Variants in SHE observed in about 807,000 individuals in gnomAD.
SHE encodes the protein Src homology 2 domain containing E.
A neutral mutation model predicts 49.8 loss-of-function variants in SHE; 11 were observed. The observed-to-expected ratio is 0.22, with a 90% CI of 0.14 to 0.37. SHE has a LOEUF of 0.37. Among genes scored for constraint, SHE ranks in the 10% least tolerant of loss-of-function variants. SHE has a pLI of 1.00. For synonymous variants in SHE, 310 were observed against 278.1 expected (o/e 1.11, Z -1.14); for missense variants, 624 against 655.5 (o/e 0.95, Z 0.52).
chr1:154,492,968 C>A (rs1692411747), intron 2 of SHE, among the ~76,000 whole-genome samples: 1 of 152,154 alleles, frequency 6.6e-6, no homozygotes, highest in Admixed American at 6.5e-5. Flanking sequence ...GGTGGATGGG[C>A]AGTGTTCCTA....
At chr1:154,493,831 A>G (rs1271401714) in intron 2 of SHE, among the ~76,000 whole-genome samples, 2 of 152,224 alleles carry the variant, frequency 1.3e-5, no homozygotes, top group Non-Finnish European at 2.9e-5. Flanking sequence ...TGTACTGACT[A>G]GGTATACACC....
chr1:154,488,718 C>T (rs1207610330), intron 3 of SHE, among the ~76,000 whole-genome samples: 1 of 152,144 alleles, frequency 6.6e-6, no homozygotes, highest in East Asian at 1.9e-4. Context: ...TGCCCACTAG[C>T]TGGGATTACA....
Position 154,482,857 on chromosome 1 carries a change from G to A in SHE, c.*1292C>T. The A allele has an allele frequency of 1.0e-6, 1 of 985,406 alleles. No homozygotes were observed. The highest frequency in any genetic ancestry group is 1.2e-6 in the Non-Finnish European group (1 of 829,924). 61.0% of individuals were successfully genotyped at this position (985,406 alleles called of 1,614,324 possible). On this transcript the variant is annotated 3_prime_UTR_variant, in exon 6 of 6. Transcript: ENST00000304760. The stretch of plus-strand genomic sequence containing the variant: ...CTTGGTACAGAACGAGAGAATCTTT[G>A]TAGGCTTTAGAGACCCAGTTCATAT...
At chr1:154,475,273 G>A (rs1691854136), downstream of SHE, among the ~76,000 whole-genome samples, 1 of 151,990 alleles carries the variant, frequency 6.6e-6, no homozygotes, top group African/African-American at 2.4e-5. Context: ...CGCAACCTCC[G>A]CCTCCCAGGT....
chr1:154,495,562 A>G (rs893865029), intron 2 of SHE, among the ~76,000 whole-genome samples: 4 of 152,072 alleles, frequency 2.6e-5, no homozygotes. Flanking sequence ...TCTGCCCCTG[A>G]GGTAGATGCT....
chr1:154,501,801 G>A lies in SHE; in HGVS notation c.226C>T (p.Pro76Ser), dbSNP rs1692772210. ...RKNSEAGGAG[P>S]GPGKGRKNSA... is the part of the protein sequence containing the mutation. ...TTCTTGCGGCCCTTGCCAGGACCCG[G>A]CCCAGCGCCGCCCGCCTCCGAGTTC... The change falls in exon 1 of 6, where the codon CCG (proline) becomes TCG (serine). Residue 76 changes from proline to serine, a missense_variant. By Grantham distance (74) the Pro-to-Ser change is moderately conservative. This residue lies in a region of SHE where 337 missense variants were observed against 306.0 expected (regional missense o/e 1.10). Transcript: ENST00000304760. 6.4e-7 allele frequency: 1 copy of A among 1,552,224 alleles called. No individual in the cohort carries two copies. Among genetic ancestry groups the A allele is most frequent in the Non-Finnish European group, 8.6e-7 (1 of 1,156,576 alleles).
chr1:154,480,270 G>C lies in SHE; in HGVS notation c.*3879C>G. 5.1e-6 allele frequency: 5 copies of C among 985,408 alleles called. No individual in the cohort carries two copies. Among genetic ancestry groups the C allele is most frequent in the Non-Finnish European group, 6.0e-6 (5 of 829,946 alleles). The allele number at this position is 985,408 out of a possible 1,614,324, so 61.0% of individuals were successfully genotyped here. ...AATCCTGCTGAGTGTCAAGGGGTGC[G>C]GGGAAGGGAAATGAAATCGACATCA... On this transcript the variant is annotated 3_prime_UTR_variant, in exon 6 of 6. Coordinates refer to ENST00000304760, the MANE Select transcript of SHE (RefSeq NM_001010846.3).
intron 1 of SHE, 44 bp downstream of exon 1, chr1:154,501,392 T>G (rs761686544): frequency 1.9e-6 from 3 of 1,584,662 alleles, no homozygotes; most frequent in Non-Finnish European, 2.6e-6. Flanking sequence ...CGCCCAGGGC[T>G]CCCCTTCGAC....
At chr1:154,494,601 C>T (rs1225833773) in intron 2 of SHE, among the ~76,000 whole-genome samples, 2 of 150,078 alleles carry the variant, frequency 1.3e-5, no homozygotes, top group Non-Finnish European at 3.0e-5. Context: ...AACAAACCAA[C>T]AAAATCATTT....
In SHE at chr1:154,499,088, A is replaced by G. The variant is rs995960917; in HGVS notation, c.718+24T>C. Reference sequence around the variant, plus strand: ...CACTGAGTGTGAGATTTCAGTCTCTATTCTGTAGAGCCTGCTTACAAACCT... The same window carrying G: ...CACTGAGTGTGAGATTTCAGTCTCTGTTCTGTAGAGCCTGCTTACAAACCT... On this transcript the variant is annotated intron_variant, in intron 2 of 5. Transcript: ENST00000304760. 5.0e-6 allele frequency: 8 copies of G among 1,612,924 alleles called. No homozygotes were observed. The African/African-American group carries it at 6.7e-5, about 13-fold the overall frequency.
intron 2 of SHE, among the ~76,000 whole-genome samples, chr1:154,496,020 G>C (rs1025690761): frequency 6.6e-6 from 1 of 152,096 alleles, no homozygotes; most frequent in Non-Finnish European, 1.5e-5. Flanking sequence ...GGTACACAAG[G>C]AGCAAACTGA....
downstream of SHE, among the ~76,000 whole-genome samples, chr1:154,474,522 T>C (rs1691829379): frequency 6.6e-6 from 1 of 152,160 alleles, no homozygotes; most frequent in African/African-American, 2.4e-5. Context: ...TATTTATTAT[T>C]TTTTAGACAG....
At position 154,482,826 on chromosome 1, in the gene SHE, A is replaced by G. The variant is rs1375451133; in HGVS notation, c.*1323T>C. 2.0e-6 allele frequency: 2 copies of G among 985,368 alleles called. No individual in the cohort carries two copies. The highest frequency in any genetic ancestry group is 2.4e-6 in the Non-Finnish European group (2 of 829,948). The allele number at this position is 985,368 out of a possible 1,614,324, so 61.0% of individuals were successfully genotyped here. Reference sequence around the variant, plus strand: ...CAAACACTTCTGTATAGTACAAGGCAGTCTGCTTGGTACAGAACGAGAGAA... The same window carrying G: ...CAAACACTTCTGTATAGTACAAGGCGGTCTGCTTGGTACAGAACGAGAGAA... On this transcript the variant is annotated 3_prime_UTR_variant, in exon 6 of 6. Coordinates refer to ENST00000304760, the MANE Select transcript of SHE (RefSeq NM_001010846.3).
Position 154,484,120 on chromosome 1 carries a change from A to G in SHE, c.*29T>C. On this transcript the variant is annotated 3_prime_UTR_variant, in exon 6 of 6. Transcript: ENST00000304760. ...CGCTGATGATGCCCTTGAAGGTGCC[A>G]GAGGCCCAGGGCTTGCAGTGGCTGA... 2 of 1,599,828 alleles carry G rather than the reference A, an allele frequency of 1.3e-6. No homozygotes were observed. The highest frequency in any genetic ancestry group is 2.2e-5 in the South Asian group (2 of 90,276).
intron 3 of SHE, among the ~76,000 whole-genome samples, chr1:154,487,022 C>T (rs1287773663): frequency 6.6e-6 from 1 of 152,060 alleles, no homozygotes; most frequent in Non-Finnish European, 1.5e-5. Flanking sequence ...GCCTGTAATC[C>T]CACCACTTTG....
In SHE at chr1:154,481,017, C is replaced by A; in HGVS notation, c.*3132G>T. 1.0e-6 allele frequency: 1 copy of A among 985,360 alleles called. No homozygotes were observed. Among genetic ancestry groups the A allele is most frequent in the Non-Finnish European group, 1.2e-6 (1 of 829,922 alleles). 61.0% of individuals were successfully genotyped at this position (985,360 alleles called of 1,614,324 possible). ...AGACATTCTTCTCACCAGAGAATAT[C>A]CTGGGAGATGGAATAACTCGAAGGA... is the stretch of plus-strand genomic sequence containing the variant. On this transcript the variant is annotated 3_prime_UTR_variant, in exon 6 of 6. Transcript: ENST00000304760.
At chr1:154,470,107 C>G in exon 2 of SHE, 1 of 355,934 alleles carries the variant, frequency 2.8e-6, no homozygotes, top group South Asian at 2.1e-5. Flanking sequence ...AGCCACAGGA[C>G]AGGTGATGGT....
chr1:154,486,722 G>T (rs767268355), intron 3 of SHE, 39 bp from the exon 4 acceptor site: 3 of 1,606,118 alleles, frequency 1.9e-6, no homozygotes, highest in Non-Finnish European at 2.5e-6. Context: ...AGGCCACTGC[G>T]GTGACCCATG....
Position 154,499,214 on chromosome 1 carries a change from C to A in SHE, c.616G>T (p.Asp206Tyr). The A allele has an allele frequency of 6.2e-7, 1 of 1,614,016 alleles. No individual in the cohort carries two copies. Among genetic ancestry groups the A allele is most frequent in the Non-Finnish European group, 8.5e-7 (1 of 1,179,970 alleles). Reference protein sequence around the residue: ...ETVIILEDYADPYDAKRTKGQ... With the variant: ...ETVIILEDYAYPYDAKRTKGQ... ...TTTGTCCGTTTGGCATCATAAGGGT[C>A]AGCATAGTCTTCTAAAATGATGACC... The change falls in exon 2 of 6, where the codon GAC becomes TAC. Residue 206 changes from aspartate to tyrosine, a missense_variant. Asp to Tyr is a radical substitution (Grantham distance 160, BLOSUM62 -3). This residue lies in a region of SHE where 337 missense variants were observed against 306.0 expected (regional missense o/e 1.10). Coordinates refer to ENST00000304760, the MANE Select transcript of SHE (RefSeq NM_001010846.3).
Sources: allele counts gnomAD v4.1 joint callset (sites outside exome capture counted in the v4.1 genomes callset), GRCh38; gene constraint gnomAD v4.1.1; regional missense constraint gnomAD v4.1.1; transcripts MANE v1.5; gene names NCBI Gene and HGNC (gene_info 2026-07-23, HGNC 2026-07-21).